Variants in SOWAHA observed in about 807,000 individuals in gnomAD.
SOWAHA encodes ankyrin repeat domain-containing protein SOWAHA.
Under a neutral mutation model 21.1 loss-of-function variants are expected in SOWAHA, and 17 were observed. The ratio of observed to expected loss-of-function variants is 0.80; its 90% CI spans 0.55 to 1.21. The LOEUF is 1.21. Among genes scored for constraint, SOWAHA ranks in the 50% most tolerant of loss-of-function variants. The probability of loss-of-function intolerance (pLI) is 0.00; values close to 1 mark genes in which losing one functional copy is unlikely to be tolerated. For synonymous variants in SOWAHA, 422 were observed against 397.1 expected (o/e 1.06, Z -0.75); for missense variants, 862 against 816.0 (o/e 1.06, Z -0.69).
rs1427443864 is a variant in SOWAHA at position 132,814,376 on chromosome 5, C to T, written c.755C>T (p.Ser252Phe). The T allele has an allele frequency of 6.7e-7, 1 of 1,494,268 alleles. No homozygotes were observed. The highest frequency in any genetic ancestry group is 8.8e-7 in the Non-Finnish European group (1 of 1,130,406). 92.6% of individuals were successfully genotyped at this position (1,494,268 alleles called of 1,614,324 possible). A position where few individuals can be genotyped will look rare whatever the true frequency, so the allele number is the denominator to read the frequency against. ...QLSEEPSPRS[S>F]PLLLRRLSVE... ...TCGGAGGAGCCGAGCCCGCGGAGCTCCCCTCTGCTGCTGAGGCGGCTCTCG... is the reference window on the plus strand; with the variant it reads ...TCGGAGGAGCCGAGCCCGCGGAGCTTCCCTCTGCTGCTGAGGCGGCTCTCG... Residue 252 changes from serine to phenylalanine, a missense_variant, in exon 1 of 1, where the codon TCC becomes TTC. Coordinates refer to ENST00000378693, the MANE Select transcript of SOWAHA (RefSeq NM_175873.6).
rs1398761991 is a variant in SOWAHA, at chr5:132,813,391, CG to C, written c.-229del. ...GAAACCTACCCCGAAGGCCGGGGCC[CG>C]GCGGGGCGCTGGGGGTGGGCGCTCC... is the stretch of plus-strand genomic sequence containing the variant. On this transcript the variant is annotated 5_prime_UTR_variant, in exon 1 of 1. The change abolishes the stop of an existing upstream ORF in the 5' untranslated region. Transcript: ENST00000378693. Among the ~76,000 whole-genome samples the C allele has an allele frequency of 6.6e-6, 1 of 151,736 alleles. No individual in the cohort carries two copies. The highest frequency in any genetic ancestry group is 2.4e-5 in the African/African-American group (1 of 41,372).
Sources: gnomAD v4.1 joint callset for allele counts (sites outside exome capture counted in the v4.1 genomes callset) on GRCh38, gnomAD v4.1.1 for gene constraint, MANE v1.5 for transcripts, NCBI Gene and HGNC (gene_info 2026-07-23, HGNC 2026-07-21) for gene names.